The following WWP1 variants were observed in gnomAD, a reference collection of about 807,000 sequenced individuals.
WWP1 encodes WW domain containing E3 ubiquitin protein ligase 1, also known as NEDD4-like E3 ubiquitin-protein ligase WWP1.
In WWP1, 49 loss-of-function variants were observed where a neutral mutation model predicts 130.6. The ratio of observed to expected loss-of-function variants is 0.38; its 90% confidence interval spans 0.30 to 0.48. WWP1 has a LOEUF of 0.48. Among genes scored for constraint, WWP1 ranks in the 20% least tolerant of loss-of-function variants. The probability of loss-of-function intolerance (pLI) is 0.99; values close to 1 mark genes in which losing one functional copy is unlikely to be tolerated. For missense variants in WWP1, 809 were observed against 1,100.6 expected (o/e 0.74, Z 3.75); for synonymous variants, 332 against 367.8 (o/e 0.90, Z 1.11).
intron 3 of WWP1, among the ~76,000 whole-genome samples, chr8:86,379,830 G>A (rs1824879900): frequency 6.6e-6 from 1 of 152,122 alleles, no homozygotes; most frequent in African/African-American, 2.4e-5. Context: ...GGATGTTAAT[G>A]GGCATGTTGA....
intron 7 of WWP1, among the ~76,000 whole-genome samples, chr8:86,400,027 G>T (rs894358414): frequency 6.6e-6 from 1 of 152,152 alleles, no homozygotes; most frequent in African/African-American, 2.4e-5. Context: ...TTTACATTCT[G>T]ATGGGATAAA....
At chr8:86,365,898 G>A (rs2130249657) in intron 1 of WWP1, among the ~76,000 whole-genome samples, 1 of 152,240 alleles carries the variant, frequency 6.6e-6, no homozygotes. Context: ...GAGAGAGAAA[G>A]GCACAATAAA....
At chr8:86,460,282 C>T (rs1381798517) in intron 22 of WWP1, among the ~76,000 whole-genome samples, 1 of 152,054 alleles carries the variant, frequency 6.6e-6, no homozygotes, top group African/African-American at 2.4e-5. Context: ...GGGAGGTGTT[C>T]ATTTGTTTTC....
intron 24 of WWP1, among the ~76,000 whole-genome samples, chr8:86,465,360 G>A (rs904549925): frequency 1.3e-5 from 2 of 152,086 alleles, no homozygotes; most frequent in Non-Finnish European, 2.9e-5. Context: ...TTCTCTGATG[G>A]TCCAGGTAAG....
chr8:86,405,251 A>G (rs1014457636), intron 8 of WWP1: 1 of 151,578 alleles, frequency 6.6e-6, no homozygotes, highest in Non-Finnish European at 1.5e-5. Context: ...TGCATATTCT[A>G]TGTGTAACAT....
chr8:86,398,506 A>G (rs770295529), intron 6 of WWP1, 27 bp downstream of exon 6: 1 of 1,609,220 alleles, frequency 6.2e-7, no homozygotes, highest in South Asian at 1.1e-5. Flanking sequence ...TGTTTGTAAA[A>G]TTTCAAGGAA....
At chr8:86,437,365 GA>G (rs1810348922) in intron 16 of WWP1, among the ~76,000 whole-genome samples, 1 of 152,182 alleles carries the variant, frequency 6.6e-6, no homozygotes, top group Non-Finnish European at 1.5e-5. Context: ...CATTATAGCT[GA>G]GTTCCTTTCC....
In WWP1 at chr8:86,467,170, AT is replaced by A. The variant is rs1407359453; in HGVS notation, c.*278del. The A allele has an allele frequency of 3.1e-5, 7 of 228,820 alleles. No individual in the cohort carries two copies. The highest frequency in any genetic ancestry group is 1.6e-4 in the African/African-American group (7 of 43,108). 14.2% of individuals were successfully genotyped at this position (228,820 alleles called of 1,614,324 possible). A position where few individuals can be genotyped will look rare whatever the true frequency, so the allele number is the denominator to read the frequency against. On this transcript the variant is annotated 3_prime_UTR_variant, in exon 25 of 25. Coordinates refer to ENST00000517970, the MANE Select transcript of WWP1 (RefSeq NM_007013.4). The stretch of plus-strand genomic sequence containing the variant: ...AATACATATATATCTATATAAACAT[AT>A]ATGATAGTGGCTCTAGTTTTATAGA...
intron 21 of WWP1, among the ~76,000 whole-genome samples, chr8:86,456,301 G>C (rs1321814972): frequency 1.3e-5 from 2 of 151,824 alleles, no homozygotes; most frequent in African/African-American, 4.8e-5. Context: ...CTCTTCAAAA[G>C]ATACCATTAA....
At chr8:86,399,944 ATAGT>A (rs1421277663) in intron 7 of WWP1, among the ~76,000 whole-genome samples, 1 of 152,180 alleles carries the variant, frequency 6.6e-6, no homozygotes, top group Non-Finnish European at 1.5e-5. Context: ...CATTCAACAG[ATAGT>A]TACTTAATGC....
At position 86,402,037 on chromosome 8, in the gene WWP1, G is replaced by A. The variant is rs1487307636; in HGVS notation, c.558G>A (p.Thr186=). 36 of 1,586,234 alleles carry A rather than the reference G, an allele frequency of 2.3e-5. 1 individual carries two copies. In the Admixed American group the frequency reaches 5.2e-4, roughly 23 times the overall value. Reference sequence around the variant, plus strand: ...TTTCAAGGTTGGCTGTTGAAGGCACGAATGGAATAGATAATCATGTACCTA... The same window carrying A: ...TTTCAAGGTTGGCTGTTGAAGGCACAAATGGAATAGATAATCATGTACCTA... ...RTTARLAVEG[T]NGIDNHVPTS... Residue 186 remains threonine, a synonymous_variant, in exon 8 of 25, where the codon ACG becomes ACA. Transcript: ENST00000517970.
chr8:86,418,844 C>T (rs1809035091), intron 9 of WWP1, among the ~76,000 whole-genome samples: 1 of 152,084 alleles, frequency 6.6e-6, no homozygotes, highest in Admixed American at 6.6e-5. Context: ...CAACACAGAT[C>T]CCAGAATATT....
At chr8:86,424,029 A>G (rs1809423907) in intron 9 of WWP1, among the ~76,000 whole-genome samples, 1 of 115,890 alleles carries the variant, frequency 8.6e-6, no homozygotes, top group African/African-American at 3.4e-5. Flanking sequence ...CCGGGCGGAG[A>G]CGCTCCTCAC....
At position 86,425,199 on chromosome 8, in the gene WWP1, GTTAT is replaced by G; in HGVS notation, c.1062-21_1062-18del. 1.9e-6 allele frequency: 3 copies of G among 1,586,498 alleles called. No individual in the cohort carries two copies. Among genetic ancestry groups the G allele is most frequent in the Non-Finnish European group, 2.6e-6 (3 of 1,165,288 alleles). On this transcript the variant is annotated intron_variant, in intron 9 of 24. Transcript: ENST00000517970. ...TTGTCCTAGTGTGTTGTCTCTTACT[GTTAT>G]TTTTGTATTTTTATTAAAGGTGGGA... is the stretch of plus-strand genomic sequence containing the variant.
Position 86,411,857 on chromosome 8 carries a change from A to G in WWP1, c.1044A>G (p.Thr348=), listed in dbSNP as rs747712119. The part of the protein sequence containing the change: ...PVRQQSGNAN[T]ETLPSGWEQR... The stretch of plus-strand genomic sequence containing the variant: ...GGCAGCAGTCTGGGAATGCCAACAC[A>G]GAAACCTTGCCATCAGGGTATGTTA... The change falls in exon 9 of 25, where the codon ACA becomes ACG. Residue 348 remains threonine (T), a synonymous_variant. Transcript: ENST00000517970. 4 of 1,607,442 alleles carry G rather than the reference A, an allele frequency of 2.5e-6. No homozygotes were observed. The East Asian group carries it at 8.9e-5, about 36-fold the overall frequency.
At chr8:86,433,219 T>C (rs1008166916) in intron 14 of WWP1, among the ~76,000 whole-genome samples, 6 of 148,122 alleles carry the variant, frequency 4.1e-5, no homozygotes, top group African/African-American at 1.3e-4. Context: ...CTCCTTTTTT[T>C]CCTAAGCCTC....
intron 16 of WWP1, among the ~76,000 whole-genome samples, chr8:86,436,759 C>T (rs924732358): frequency 2.0e-5 from 3 of 152,046 alleles, no homozygotes; most frequent in Non-Finnish European, 4.4e-5. Flanking sequence ...CATAATGAGA[C>T]GTCTTATTCC....
intron 9 of WWP1, among the ~76,000 whole-genome samples, chr8:86,424,052 G>C (rs1809427529): frequency 6.6e-6 from 1 of 150,852 alleles, no homozygotes; most frequent in Non-Finnish European, 1.5e-5. Flanking sequence ...CCCAGACGGG[G>C]CGGCTGCCGG....
chr8:86,407,385 C>A (rs1354845971), intron 8 of WWP1, among the ~76,000 whole-genome samples: 2 of 152,144 alleles, frequency 1.3e-5, no homozygotes, highest in Non-Finnish European at 2.9e-5. Flanking sequence ...AATTTCAGCA[C>A]TGTTGACATA....
Sources: allele counts gnomAD v4.1 joint callset (sites outside exome capture counted in the v4.1 genomes callset), GRCh38; gene constraint gnomAD v4.1.1; transcripts MANE v1.5; gene names NCBI Gene and HGNC (gene_info 2026-07-23, HGNC 2026-07-21).